The following NDUFA10 variants were observed in gnomAD, a reference collection of about 807,000 sequenced individuals.
NDUFA10 encodes NADH:ubiquinone oxidoreductase subunit A10, also known as NADH dehydrogenase [ubiquinone] 1 alpha subcomplex subunit 10, mitochondrial.
Under a neutral mutation model 47.8 loss-of-function variants are expected in NDUFA10, and 40 were observed. That is an observed-to-expected ratio of 0.84 (90% confidence interval 0.65 to 1.09). The LOEUF (loss-of-function observed/expected upper bound fraction) is 1.09. Among genes scored for constraint, NDUFA10 ranks in the 50% least tolerant of loss-of-function variants. The pLI, the probability that NDUFA10 is intolerant of heterozygous loss-of-function variation, is 0.00. For synonymous variants in NDUFA10, 183 were observed against 172.2 expected (o/e 1.06, Z -0.49); for missense variants, 413 against 451.1 (o/e 0.92, Z 0.76).
chr2:239,976,915 C>T (rs1045077881), intron 9 of NDUFA10, among the ~76,000 whole-genome samples: 2 of 152,170 alleles, frequency 1.3e-5, no homozygotes, highest in African/African-American at 4.8e-5. Context: ...ATTTAGACAA[C>T]TGCAACCCAA....
chr2:239,909,059 G>A (rs571287338), intron 4 of NDUFA10, among the ~76,000 whole-genome samples: 8 of 152,200 alleles, frequency 5.3e-5, no homozygotes, highest in Non-Finnish European at 8.8e-5. Context: ...TCTCTTCCTC[G>A]TGTCACCCCA....
At chr2:240,006,023 C>A (rs987966533) in intron 7 of NDUFA10, among the ~76,000 whole-genome samples, 1 of 152,192 alleles carries the variant, frequency 6.6e-6, no homozygotes. Context: ...AGGTGCCCGG[C>A]CTCAAGGCTG....
At chr2:239,923,861 A>T (rs1694026968) in intron 4 of NDUFA10, among the ~76,000 whole-genome samples, 1 of 152,198 alleles carries the variant, frequency 6.6e-6, no homozygotes, top group African/African-American at 2.4e-5. Flanking sequence ...CTAGCAAGAC[A>T]GACAAAGGAA....
chr2:239,918,728 C>T lies in NDUFA10; in HGVS notation c.295-23414G>A, dbSNP rs1202371771. Among the ~76,000 whole-genome samples, 6 of 152,208 alleles carry T rather than the reference C, an allele frequency of 3.9e-5. 1 individual carries two copies. Among genetic ancestry groups the T allele is most frequent in the Admixed American group, 3.9e-4 (6 of 15,288 alleles). Reference sequence around the variant, plus strand: ...GAGTTGGTGCCTCATCCTCACAGAACAAAGATGGAAATCCAGCATTGGGAC... The same window carrying T: ...GAGTTGGTGCCTCATCCTCACAGAATAAAGATGGAAATCCAGCATTGGGAC... On this transcript the variant is annotated intron_variant, in intron 4 of 5. Transcript: ENST00000419408.
chr2:239,948,870 G>A (rs896767582), intron 4 of NDUFA10, among the ~76,000 whole-genome samples: 16 of 152,204 alleles, frequency 1.1e-4, no homozygotes, highest in Non-Finnish European at 2.2e-4. Flanking sequence ...TATTTATTTT[G>A]CAGGGAACAG....
intron 8 of NDUFA10, among the ~76,000 whole-genome samples, chr2:240,001,367 TATC>T (rs1451841261): frequency 6.6e-6 from 1 of 152,224 alleles, no homozygotes; most frequent in African/African-American, 2.4e-5. Context: ...CCATAAACAG[TATC>T]ATAACATAGT....
rs999857248 is a variant in NDUFA10 at position 240,025,250 on chromosome 2, C to A, written c.52G>T (p.Val18Leu). 3 of 1,498,844 alleles carry A rather than the reference C, an allele frequency of 2.0e-6. No homozygotes were observed. The African/African-American group carries it at 4.4e-5, about 22-fold the overall frequency. 92.8% of individuals were successfully genotyped at this position (1,498,844 alleles called of 1,614,324 possible). The change falls in exon 1 of 10, where the codon GTG (valine) becomes TTG (leucine). Residue 18 changes from valine (V) to leucine (L), a missense_variant. Val to Leu is a conservative substitution (Grantham distance 32). Coordinates refer to ENST00000252711, the MANE Select transcript of NDUFA10 (RefSeq NM_004544.4). ...LAATSASARV[V>L]AAGAQRVRGI... ...ACCACGCGCTGGGCGCCCGCCGCCACGACCCGGGCGGACGCGGACGTCGCT... is the reference window on the plus strand; with the variant it reads ...ACCACGCGCTGGGCGCCCGCCGCCAAGACCCGGGCGGACGCGGACGTCGCT...
In NDUFA10 at chr2:239,947,186, G is replaced by A. The variant is rs997758696; in HGVS notation, c.294+42888C>T. ...AGGCCAGGCCATCTGGGGCCGTCCC[G>A]CCTGCTCACACTGCTTAGACCAAGG... On this transcript the variant is annotated intron_variant, in intron 4 of 5. Coordinates refer to the NDUFA10 transcript ENST00000419408. 9.2e-5 allele frequency among the ~76,000 whole-genome samples: 14 copies of A among 152,186 alleles called. No individual in the cohort carries two copies. In the East Asian group the frequency reaches 1.2e-3, roughly 13 times the overall value.
chr2:239,977,292 C>G (rs1029546228), intron 9 of NDUFA10, among the ~76,000 whole-genome samples: 1 of 152,194 alleles, frequency 6.6e-6, no homozygotes, highest in Non-Finnish European at 1.5e-5. Flanking sequence ...ACCTGGGATC[C>G]GGAGCCCCAT....
At chr2:239,974,492 G>GA (rs1695431994) in intron 9 of NDUFA10, among the ~76,000 whole-genome samples, 2 of 152,242 alleles carry the variant, frequency 1.3e-5, no homozygotes, top group South Asian at 4.1e-4. Context: ...TTCATCAAAT[G>GA]AGAGTGTGGA....
At position 240,021,580 on chromosome 2, in the gene NDUFA10, G is replaced by C. The variant is rs542472783; in HGVS notation, c.245-168C>G. 9.8e-5 allele frequency among the ~76,000 whole-genome samples: 15 copies of C among 152,288 alleles called. No homozygotes were observed. In the South Asian group the frequency reaches 3.1e-3, roughly 32 times the overall value. ...GCCTGGGTTTCATCACGTATGAAGG[G>C]AACACACAACATATACAAGCAAGCA... On this transcript the variant is annotated intron_variant, in intron 2 of 9. Transcript: ENST00000252711.
chr2:239,910,211 CT>C (rs1201245446), intron 4 of NDUFA10, among the ~76,000 whole-genome samples: 1 of 152,184 alleles, frequency 6.6e-6, no homozygotes, highest in African/African-American at 2.4e-5. Flanking sequence ...AATCCTGTTA[CT>C]GCATATATAC....
At chr2:239,997,484 G>C (rs1194476948) in intron 8 of NDUFA10, among the ~76,000 whole-genome samples, 1 of 152,100 alleles carries the variant, frequency 6.6e-6, no homozygotes, top group Non-Finnish European at 1.5e-5. Context: ...ATTCTTTATA[G>C]GGAAATTCAG....
intron 9 of NDUFA10, among the ~76,000 whole-genome samples, chr2:239,984,935 A>G (rs1695935656): frequency 6.6e-6 from 1 of 152,224 alleles, no homozygotes; most frequent in Non-Finnish European, 1.5e-5. Context: ...ATGGCCTCTC[A>G]GTAAGCGCAA....
chr2:239,993,980 G>C (rs1299369330), intron 8 of NDUFA10, among the ~76,000 whole-genome samples: 1 of 152,054 alleles, frequency 6.6e-6, no homozygotes, highest in Non-Finnish European at 1.5e-5. Flanking sequence ...CCCGAGAGGT[G>C]AGATGCCCCA....
intron 9 of NDUFA10, among the ~76,000 whole-genome samples, chr2:239,978,882 C>T (rs114838676): frequency 0.015 from 2,312 of 152,236 alleles, 50 homozygotes; most frequent in African/African-American, 0.053. Flanking sequence ...CGTTTGTATG[C>T]TTTTTAGAAA....
At chr2:239,926,992 G>T (rs1359387129) in intron 4 of NDUFA10, among the ~76,000 whole-genome samples, 1 of 152,118 alleles carries the variant, frequency 6.6e-6, no homozygotes, top group Non-Finnish European at 1.5e-5. Context: ...CCATGAGACT[G>T]ATTCACTGTG....
At chr2:239,963,834 C>T (rs1694953589) in intron 9 of NDUFA10, among the ~76,000 whole-genome samples, 1 of 152,194 alleles carries the variant, frequency 6.6e-6, no homozygotes, top group Non-Finnish European at 1.5e-5. Flanking sequence ...AGGCCTGAGG[C>T]TGCAGAGGGA....
chr2:239,899,082 G>A (rs1183869705), intron 4 of NDUFA10, among the ~76,000 whole-genome samples: 3 of 28,360 alleles, frequency 1.1e-4, no homozygotes, highest in Non-Finnish European at 1.5e-4. Context: ...TGATGGAGGA[G>A]TGTGGAGGGG....
Sources: gnomAD v4.1 joint callset for allele counts (sites outside exome capture counted in the v4.1 genomes callset) on GRCh38, gnomAD v4.1.1 for gene constraint, MANE v1.5 for transcripts, NCBI Gene and HGNC (gene_info 2026-07-23, HGNC 2026-07-21) for gene names.